The following LINGO2 variants were observed in gnomAD, a reference collection of about 807,000 sequenced individuals.
LINGO2 encodes the protein leucine-rich repeat and immunoglobulin-like domain-containing nogo receptor-interacting protein 2.
A neutral mutation model predicts 30.6 loss-of-function variants in LINGO2; 14 were observed. The ratio of observed to expected loss-of-function variants is 0.46; its 90% confidence interval spans 0.30 to 0.72. The LOEUF is 0.72. Among genes scored for constraint, LINGO2 ranks in the 30% least tolerant of loss-of-function variants. LINGO2 has a pLI of 0.07. For synonymous variants in LINGO2, 317 were observed against 288.5 expected (o/e 1.10, Z -1.00); for missense variants, 729 against 751.7 (o/e 0.97, Z 0.35).
rs551248222 is a variant in LINGO2 at position 28,347,816 on chromosome 9, T to G, written c.-246+25020A>C. 2.7e-3 allele frequency among the ~76,000 whole-genome samples: 404 copies of G among 152,328 alleles called. 4 individuals carry two copies. Among genetic ancestry groups the G allele is most frequent in the Non-Finnish European group, 4.1e-3 (280 of 68,024 alleles). On this transcript the variant is annotated intron_variant, in intron 3 of 5. Coordinates refer to ENST00000379992, the Ensembl canonical transcript of LINGO2. Reference sequence around the variant, plus strand: ...ACCACTTAAGTGGGAAGACAGACACTGACCATATAATTACAAATGCCCTGA... The same window carrying G: ...ACCACTTAAGTGGGAAGACAGACACGGACCATATAATTACAAATGCCCTGA...
At chr9:28,375,128 A>G (rs1054883990) in intron 2 of LINGO2, among the ~76,000 whole-genome samples, 1 of 112,534 alleles carries the variant, frequency 8.9e-6, no homozygotes, top group Non-Finnish European at 1.9e-5. Flanking sequence ...ACACACACAC[A>G]CACACATACA....
chr9:28,964,338 A>G, the LINGO2 span, among the ~76,000 whole-genome samples: 1 of 151,934 alleles, frequency 6.6e-6, no homozygotes, highest in African/African-American at 2.4e-5. Flanking sequence ...AAAGCTTCCT[A>G]TAGGGATGTG....
chr9:27,949,884 G>A lies in LINGO2; in HGVS notation c.788C>T (p.Thr263Ile), dbSNP rs756070665. Residue 263 changes from threonine to isoleucine, a missense_variant, in exon 6 of 6, where the codon ACT (threonine) becomes ATT (isoleucine). Coordinates refer to ENST00000379992, the Ensembl canonical transcript of LINGO2. ...GTGTTTAAAGGCAAGGAAGGGTACA[G>A]TAGACAGATTGGTGTTGGTGACTGA... 3.1e-6 allele frequency: 5 copies of A among 1,613,914 alleles called. No homozygotes were observed. In the African/African-American group the frequency reaches 4.0e-5, roughly 13 times the overall value.
At chr9:28,222,874 T>C (rs1213823448) in intron 4 of LINGO2, among the ~76,000 whole-genome samples, 2 of 152,144 alleles carry the variant, frequency 1.3e-5, no homozygotes, top group Admixed American at 6.5e-5. Context: ...GATGGTAGCA[T>C]TCACTGGGGA....
At chr9:29,163,170 C>T in the LINGO2 span, among the ~76,000 whole-genome samples, 1 of 152,092 alleles carries the variant, frequency 6.6e-6, no homozygotes, top group African/African-American at 2.4e-5. Context: ...ACTCATCATG[C>T]CAAAATGTCA....
intron 1 of LINGO2, among the ~76,000 whole-genome samples, chr9:28,619,585 T>A (rs1019964464): frequency 6.6e-6 from 1 of 152,106 alleles, no homozygotes; most frequent in African/African-American, 2.4e-5. Flanking sequence ...GAGAAATAGA[T>A]CTAAAAAAAG....
chr9:28,495,745 G>A (rs918330276), intron 1 of LINGO2, among the ~76,000 whole-genome samples: 5 of 152,018 alleles, frequency 3.3e-5, no homozygotes, highest in East Asian at 1.9e-4. Context: ...TTTTAATTGC[G>A]ATGTTAGGGT....
chr9:28,368,823 C>A (rs532680701), intron 3 of LINGO2, among the ~76,000 whole-genome samples: 1 of 150,006 alleles, frequency 6.7e-6, no homozygotes, highest in Admixed American at 6.6e-5. Context: ...GTCTCGATCT[C>A]CTGACCTCGT....
the LINGO2 span, among the ~76,000 whole-genome samples, chr9:29,065,360 A>C: frequency 4.6e-5 from 7 of 152,108 alleles, no homozygotes; most frequent in Non-Finnish European, 7.4e-5. Flanking sequence ...CTATGTCCAG[A>C]ATGGTATTTC....
At chr9:29,152,359 T>C in the LINGO2 span, among the ~76,000 whole-genome samples, 1 of 152,132 alleles carries the variant, frequency 6.6e-6, no homozygotes, top group African/African-American at 2.4e-5. Flanking sequence ...ACACATGCAT[T>C]TTCATGTTCA....
intron 1 of LINGO2, among the ~76,000 whole-genome samples, chr9:28,667,009 A>T (rs933303729): frequency 6.6e-6 from 1 of 152,218 alleles, no homozygotes; most frequent in African/African-American, 2.4e-5. Context: ...TAAAATGTAT[A>T]TAAAGGCTAT....
intron 2 of LINGO2, among the ~76,000 whole-genome samples, chr9:28,412,634 C>A (rs1433514505): frequency 3.3e-5 from 5 of 151,814 alleles, no homozygotes. Context: ...AATTATAAAT[C>A]TGAAAATAAA....
chr9:29,120,427 C>A, the LINGO2 span, among the ~76,000 whole-genome samples: 1 of 152,126 alleles, frequency 6.6e-6, no homozygotes, highest in Non-Finnish European at 1.5e-5. Context: ...GATAAACACA[C>A]AGTTAAATTG....
At chr9:28,104,255 GTTTTTTGTTTGTTTTTT>G (rs1181689903) in intron 4 of LINGO2, among the ~76,000 whole-genome samples, 1 of 75,158 alleles carries the variant, frequency 1.3e-5, no homozygotes, top group Non-Finnish European at 2.8e-5. Context: ...CCCAGTACAA[GTTTTTTGTTTGTTTTTT>G]TTTTTTTTTT....
chr9:28,910,173 G>T, the LINGO2 span, among the ~76,000 whole-genome samples: 1 of 151,922 alleles, frequency 6.6e-6, no homozygotes, highest in African/African-American at 2.4e-5. Flanking sequence ...ATAGTACTCT[G>T]AGTAATACTA....
At chr9:28,917,724 C>G in the LINGO2 span, among the ~76,000 whole-genome samples, 111,096 of 151,564 alleles carry the variant, frequency 0.73, 40,892 homozygotes, top group Non-Finnish European at 0.78. Context: ...ATAGTTTTTC[C>G]TTTACATTAG....
intron 2 of LINGO2, among the ~76,000 whole-genome samples, chr9:28,380,335 C>T (rs976528219): frequency 1.5e-4 from 22 of 150,784 alleles, no homozygotes; most frequent in African/African-American, 4.9e-4. Context: ...GCTAGGTGAC[C>T]ATTAATAGAG....
intron 1 of LINGO2, among the ~76,000 whole-genome samples, chr9:28,513,084 TACACACACACAC>T (rs57773955): frequency 0.43 from 62,616 of 146,602 alleles, 15,144 homozygotes; most frequent in Middle Eastern, 0.57. Context: ...TTAACCATCA[TACACACACACAC>T]ACACACACAC....
At chr9:28,599,868 TG>T (rs900097197) in intron 1 of LINGO2, among the ~76,000 whole-genome samples, 8 of 152,170 alleles carry the variant, frequency 5.3e-5, no homozygotes, top group African/African-American at 1.7e-4. Flanking sequence ...CTGAGGCTCC[TG>T]TTAGGCAAGG....
Sources: allele counts gnomAD v4.1 joint callset (sites outside exome capture counted in the v4.1 genomes callset), GRCh38; gene constraint gnomAD v4.1.1; transcripts MANE v1.5; gene names NCBI Gene and HGNC (gene_info 2026-07-23, HGNC 2026-07-21).